SCN4B: variants seen among roughly 807,000 people sequenced by gnomAD.
SCN4B encodes the protein sodium channel regulatory subunit beta-4.
Under a neutral mutation model 19.6 loss-of-function variants are expected in SCN4B, and 20 were observed. That is an observed-to-expected ratio of 1.02 (90% CI 0.72 to 1.48). The LOEUF (loss-of-function observed/expected upper bound fraction) is 1.48. SCN4B is among the 40% of genes most tolerant of loss of function. The pLI is 0.00. For synonymous variants in SCN4B, 127 were observed against 122.8 expected, an observed-to-expected ratio of 1.03 and a Z score of -0.22; for missense variants, 271 against 287.5, an observed-to-expected ratio of 0.94 and a Z score of 0.42.
At chr11:118,146,503 T>C (rs1195252173) in intron 1 of SCN4B, among the ~76,000 whole-genome samples, 1 of 152,198 alleles carries the variant, frequency 6.6e-6, no homozygotes, top group Non-Finnish European at 1.5e-5. Context: ...CTGTTCTGCA[T>C]CATAAACCTC....
chr11:118,137,628 G>A (rs1160899217), intron 4 of SCN4B, among the ~76,000 whole-genome samples: 1 of 152,190 alleles, frequency 6.6e-6, no homozygotes, highest in Non-Finnish European at 1.5e-5. Context: ...CTGAGATCGT[G>A]CCACTGCACT....
intron 1 of SCN4B, among the ~76,000 whole-genome samples, chr11:118,147,829 C>G (rs1158206934): frequency 6.6e-6 from 1 of 152,184 alleles, no homozygotes; most frequent in African/African-American, 2.4e-5. Flanking sequence ...ATCAGCATAC[C>G]GGTCCAGGAA....
chr11:118,139,953 G>A (rs1948074094), intron 4 of SCN4B, among the ~76,000 whole-genome samples: 1 of 147,128 alleles, frequency 6.8e-6, no homozygotes, highest in Non-Finnish European at 1.5e-5. Flanking sequence ...GCCCAGGCTG[G>A]ACTCAAACTC....
chr11:118,137,948 T>C (rs1478140512), intron 4 of SCN4B, among the ~76,000 whole-genome samples: 1 of 152,146 alleles, frequency 6.6e-6, no homozygotes, highest in Non-Finnish European at 1.5e-5. Flanking sequence ...TGGGTTTGGC[T>C]TCAAGGGTGA....
Position 118,136,018 on chromosome 11 carries a change from G to A in SCN4B, c.*1009C>T, listed in dbSNP as rs1270045902. On this transcript the variant is annotated 3_prime_UTR_variant, in exon 5 of 5. Coordinates refer to ENST00000324727, the MANE Select transcript of SCN4B (RefSeq NM_174934.4). ...GGGAAATGAACCACCCTGGGGGCAG[G>A]GCGTGATGGAGGGCACGGTGGGGGG... 1 of 440,848 alleles carries A rather than the reference G, an allele frequency of 2.3e-6. No individual in the cohort carries two copies. Among genetic ancestry groups the A allele is most frequent in the Non-Finnish European group, 4.5e-6 (1 of 220,860 alleles). 27.3% of individuals were successfully genotyped at this position (440,848 alleles called of 1,614,324 possible). A position where few individuals can be genotyped will look rare whatever the true frequency, so the allele number is the denominator to read the frequency against.
chr11:118,148,007 AGGG>A lies in SCN4B; in HGVS notation c.62-2781_62-2779del, dbSNP rs771041022. On this transcript the variant is annotated intron_variant, in intron 1 of 4. Transcript: ENST00000324727. This position sits in a 1 kb window ranked among gnomAD's most constrained non-coding sequence, Gnocchi z 4.0. ...CGAGCAAAAGATGGGTCCAGAAGAG[AGGG>A]GAACACTGTATCTTTAAGGTCTGGC... Among the ~76,000 whole-genome samples, 252 of 152,326 alleles carry A rather than the reference AGGG, an allele frequency of 1.7e-3. 3 individuals are homozygous for A. The highest frequency in any genetic ancestry group is 1.7e-3 in the Non-Finnish European group (116 of 68,030).
intron 1 of SCN4B, chr11:118,145,706 G>A (rs1245994989): frequency 3.2e-6 from 1 of 310,100 alleles, no homozygotes; most frequent in East Asian, 8.5e-5. Context: ...GGAGGGGGAA[G>A]AGCCGGGTCC....
At position 118,133,729 on chromosome 11, in the gene SCN4B, G is replaced by A. The variant is rs1474950633; in HGVS notation, c.*3298C>T. On this transcript the variant is annotated 3_prime_UTR_variant, in exon 5 of 5. Coordinates refer to ENST00000324727, the MANE Select transcript of SCN4B (RefSeq NM_174934.4). ...CAAAGTAAAGTAAAGCAAGTTATAG[G>A]ATTTTCCCGAGAAGTCCCCGCTCCT... is the stretch of plus-strand genomic sequence containing the variant. 2.2e-6 allele frequency: 1 copy of A among 454,508 alleles called. No individual in the cohort carries two copies. Among genetic ancestry groups the A allele is most frequent in the South Asian group, 1.6e-5 (1 of 64,468 alleles). 28.2% of individuals were successfully genotyped at this position (454,508 alleles called of 1,614,324 possible).
intron 1 of SCN4B, chr11:118,145,770 A>G (rs1302413759): frequency 4.2e-6 from 1 of 240,522 alleles, no homozygotes; most frequent in South Asian, 5.0e-5. Context: ...GCCGTCCAGT[A>G]GCCTCTCGTT....
At position 118,136,572 on chromosome 11, in the gene SCN4B, C is replaced by T. The variant is rs1948011028; in HGVS notation, c.*455G>A. 2.2e-6 allele frequency: 1 copy of T among 454,240 alleles called. No homozygotes were observed. 28.1% of individuals were successfully genotyped at this position (454,240 alleles called of 1,614,324 possible). A position where few individuals can be genotyped will look rare whatever the true frequency, so the allele number is the denominator to read the frequency against. On this transcript the variant is annotated 3_prime_UTR_variant, in exon 5 of 5. Transcript: ENST00000324727. ...CACCCCAGGTCTTCTCCAGAGGCCT[C>T]CAGCCCACTCCCACCTCCAAAGGAA...
Position 118,143,836 on chromosome 11 carries a change from T to C in SCN4B, c.460A>G (p.Arg154Gly), listed in dbSNP as rs554764326. The C allele has an allele frequency of 6.2e-7, 1 of 1,611,474 alleles. No homozygotes were observed. Among genetic ancestry groups the C allele is most frequent in the East Asian group, 2.2e-5 (1 of 44,882 alleles). Reference protein sequence around the residue: ...HATIFLQVVDRLEEVDNTVTL... With the variant: ...HATIFLQVVDGLEEVDNTVTL... ...TGTGCCAGCCCCTACTGCATACGTC[T>C]ATCAACGACTTGGAGGAAGATGGTG... Residue 154 changes from arginine to glycine, a missense_variant, in exon 3 of 5, where the codon AGA becomes GGA. Arg to Gly is a moderately radical substitution (Grantham distance 125). Transcript: ENST00000324727.
In SCN4B at chr11:118,136,321, T is replaced by G. The variant is rs1948005045; in HGVS notation, c.*706A>C. 2.2e-6 allele frequency: 1 copy of G among 453,476 alleles called. No homozygotes were observed. The highest frequency in any genetic ancestry group is 2.4e-5 in the Admixed American group (1 of 42,528). The allele number at this position is 453,476 out of a possible 1,614,324, so 28.1% of individuals were successfully genotyped here. On this transcript the variant is annotated 3_prime_UTR_variant, in exon 5 of 5. Transcript: ENST00000324727. ...CTCGAGGGGCCCCTTCCTGAGCCCC[T>G]CAGTAACCCAGAGAGCAGAGGAGCA... is the stretch of plus-strand genomic sequence containing the variant.
At chr11:118,150,874 C>T (rs1948227268) in intron 1 of SCN4B, among the ~76,000 whole-genome samples, 2 of 152,192 alleles carry the variant, frequency 1.3e-5, no homozygotes, top group Non-Finnish European at 2.9e-5. Context: ...TGGTTGGAGT[C>T]CCTCTGCAGA....
intron 3 of SCN4B, chr11:118,141,846 T>C (rs549761323): frequency 1.6e-4 from 27 of 170,298 alleles, no homozygotes; most frequent in African/African-American, 6.0e-4. Flanking sequence ...TGAACCCTCC[T>C]AGCCTCAGTT....
In SCN4B at chr11:118,137,064, C is replaced by T. The variant is rs1338912990; in HGVS notation, c.650G>A (p.Gly217Asp). ...AGGTGGTTTCTCCTCTGCCTTGGAG[C>T]CAGGCAAGCCGTTCTCCGTGTTGTC... is the stretch of plus-strand genomic sequence containing the variant. The part of the protein sequence containing the change: ...GNDNTENGLP[G>D]SKAEEKPPSK... Residue 217 changes from glycine to aspartate, a missense_variant, in exon 5 of 5, where the codon GGC (glycine) becomes GAC (aspartate). Transcript: ENST00000324727. 1 of 1,614,092 alleles carries T rather than the reference C, an allele frequency of 6.2e-7. No individual in the cohort carries two copies. The highest frequency in any genetic ancestry group is 1.6e-4 in the Middle Eastern group (1 of 6,062).
intron 1 of SCN4B, among the ~76,000 whole-genome samples, chr11:118,151,476 A>C (rs1477436488): frequency 6.6e-6 from 1 of 152,214 alleles, no homozygotes; most frequent in African/African-American, 2.4e-5. Context: ...GCCAAGGTAC[A>C]GGAGAAAACA....
rs191729143 is a variant in SCN4B at position 118,141,448 on chromosome 11, G to A, written c.464-112C>T. 541 of 1,335,720 alleles carry A rather than the reference G, an allele frequency of 4.1e-4. 3 individuals are homozygous for A. In the African/African-American group the frequency reaches 6.7e-3, roughly 17 times the overall value. The allele number at this position is 1,335,720 out of a possible 1,614,324, so 82.7% of individuals were successfully genotyped here. A position where few individuals can be genotyped will look rare whatever the true frequency, so the allele number is the denominator to read the frequency against. On this transcript the variant is annotated intron_variant, in intron 3 of 4. Transcript: ENST00000324727. ...ATGTAGCCTCCACCCCCTGGCATCC[G>A]GGGCACATCCACTCCCAGACCCCCA...
intron 1 of SCN4B, among the ~76,000 whole-genome samples, chr11:118,150,152 T>G (rs1182689457): frequency 6.6e-6 from 1 of 152,146 alleles, no homozygotes; most frequent in South Asian, 2.1e-4. Flanking sequence ...TAAACACAGA[T>G]CACAGCAATT....
chr11:118,147,486 C>G lies in SCN4B; in HGVS notation c.62-2257G>C, dbSNP rs188566988. 2.8e-4 allele frequency among the ~76,000 whole-genome samples: 43 copies of G among 152,278 alleles called. No individual in the cohort carries two copies. The East Asian group carries it at 7.9e-3, about 28-fold the overall frequency. On this transcript the variant is annotated intron_variant, in intron 1 of 4. Transcript: ENST00000324727. ...CGTTCAGATATTAGCCCCTTTCCAC[C>G]ACTCTGTGACCAACCACACTCTCCA...
Sources: gnomAD v4.1 joint callset for allele counts (sites outside exome capture counted in the v4.1 genomes callset) on GRCh38, gnomAD v4.1.1 for gene constraint, Gnocchi (gnomAD v3.1) non-coding constraint, MANE v1.5 for transcripts, NCBI Gene and HGNC (gene_info 2026-07-23, HGNC 2026-07-21) for gene names.